The following ANO3 variants were observed in gnomAD, a reference collection of about 807,000 sequenced individuals.
The protein encoded by ANO3 is anoctamin 3, also known as anoctamin-3.
ANO3 carries 99 observed loss-of-function variants against 144.8 expected under a neutral mutation model. The ratio of observed to expected loss-of-function variants is 0.68; its 90% confidence interval spans 0.58 to 0.81. ANO3 has a LOEUF of 0.81. Among genes scored for constraint, ANO3 ranks in the 30% least tolerant of loss-of-function variants. The probability of loss-of-function intolerance (pLI) is 0.00; values close to 1 mark genes in which losing one functional copy is unlikely to be tolerated. For synonymous variants in ANO3, 414 were observed against 392.6 expected, an observed-to-expected ratio of 1.05 and a Z score of -0.64; for missense variants, 905 against 1,202.2, an observed-to-expected ratio of 0.75 and a Z score of 3.66.
chr11:26,364,936 A>C (rs890578126), intron 1 of ANO3, among the ~76,000 whole-genome samples: 1 of 152,196 alleles, frequency 6.6e-6, no homozygotes, highest in African/African-American at 2.4e-5. Flanking sequence ...AATTTATTCC[A>C]GAATTAACTC....
chr11:26,425,787 G>A (rs1857902043), intron 1 of ANO3, among the ~76,000 whole-genome samples: 1 of 152,086 alleles, frequency 6.6e-6, no homozygotes, highest in African/African-American at 2.4e-5. Context: ...TGTTCACTCT[G>A]TGTTTTATCC....
intron 1 of ANO3, among the ~76,000 whole-genome samples, chr11:26,220,797 G>A (rs1364560135): frequency 3.3e-5 from 5 of 152,264 alleles, no homozygotes; most frequent in Middle Eastern, 3.4e-3. Flanking sequence ...GCCTAATGGA[G>A]CATCCCATTC....
At chr11:26,626,280 A>G (rs1259491264) in intron 18 of ANO3, among the ~76,000 whole-genome samples, 1 of 152,164 alleles carries the variant, frequency 6.6e-6, no homozygotes, top group African/African-American at 2.4e-5. Flanking sequence ...GCAGACACTG[A>G]GATGGAGTTA....
At chr11:26,452,497 G>A (rs187271437) in intron 3 of ANO3, among the ~76,000 whole-genome samples, 6 of 152,234 alleles carry the variant, frequency 3.9e-5, no homozygotes, top group South Asian at 2.1e-4. Flanking sequence ...AAGATGAAAC[G>A]AATGAAATGA....
At chr11:26,329,933 C>T (rs1345977973), upstream of ANO3, among the ~76,000 whole-genome samples, 2 of 152,022 alleles carry the variant, frequency 1.3e-5, no homozygotes, top group South Asian at 2.1e-4. Flanking sequence ...CTGCCTCAGC[C>T]TCCTGAGTAG....
intron 14 of ANO3, chr11:26,563,395 C>CTCTCTCTCTGTGTGTG (rs371195680): frequency 1.9e-6 from 1 of 538,882 alleles, no homozygotes. Context: ...GTTTCTCTCT[C>CTCTCTCTCTGTGTGTG]TGTGTGTGTG....
rs913052962 is a variant in ANO3 at position 26,497,293 on chromosome 11, C to A, written c.433-10811C>A. On this transcript the variant is annotated intron_variant, in intron 4 of 26. Coordinates refer to ENST00000256737, the MANE Select transcript of ANO3 (RefSeq NM_031418.4). ...AAATATATATAGGTTGATTTCACAT[C>A]TTTGCTATTGTGAATAGTGCTCTTA... is the stretch of plus-strand genomic sequence containing the variant. Among the ~76,000 whole-genome samples, 31 of 151,774 alleles carry A rather than the reference C, an allele frequency of 2.0e-4. 2 individuals are homozygous for A. The highest frequency in any genetic ancestry group is 4.4e-5 in the Non-Finnish European group (3 of 67,912).
intron 1 of ANO3, among the ~76,000 whole-genome samples, chr11:26,238,793 A>T (rs1004951598): frequency 6.6e-6 from 1 of 152,060 alleles, no homozygotes; most frequent in Non-Finnish European, 1.5e-5. Flanking sequence ...TATTGCAAAC[A>T]TCATCTTACT....
intron 1 of ANO3, among the ~76,000 whole-genome samples, chr11:26,373,322 A>G (rs1856314799): frequency 6.6e-6 from 1 of 152,150 alleles, no homozygotes; most frequent in Non-Finnish European, 1.5e-5. Flanking sequence ...TCATAATAGC[A>G]AATGAGTTCT....
At chr11:26,566,035 A>C (rs1222477377) in intron 14 of ANO3, 2 of 925,726 alleles carry the variant, frequency 2.2e-6, no homozygotes, top group Middle Eastern at 3.5e-4. Flanking sequence ...AAAATTGCTT[A>C]TTTTGGATTA....
intron 14 of ANO3, among the ~76,000 whole-genome samples, chr11:26,582,886 G>GTA (rs1418919881): frequency 1.3e-5 from 2 of 152,148 alleles, no homozygotes; most frequent in Admixed American, 6.5e-5. Context: ...ATTAAAGAAA[G>GTA]TATATCAAAT....
chr11:26,233,948 A>G (rs11029409), intron 1 of ANO3, among the ~76,000 whole-genome samples: 48,746 of 151,856 alleles, frequency 0.32, 8,577 homozygotes, highest in Non-Finnish European at 0.38. Context: ...GTCAGTAGGT[A>G]GGGGGCAAGG....
intron 14 of ANO3, among the ~76,000 whole-genome samples, chr11:26,576,904 CAAT>C (rs1316914663): frequency 6.6e-6 from 1 of 152,074 alleles, no homozygotes; most frequent in Non-Finnish European, 1.5e-5. Flanking sequence ...TATTTGTCAA[CAAT>C]AATAACAAAA....
chr11:26,636,962 A>G (rs1327237418), intron 20 of ANO3, among the ~76,000 whole-genome samples: 1 of 152,202 alleles, frequency 6.6e-6, no homozygotes, highest in Non-Finnish European at 1.5e-5. Flanking sequence ...AAAATACACT[A>G]CAGCATCTAG....
chr11:26,588,416 T>C (rs1851350474), intron 14 of ANO3, among the ~76,000 whole-genome samples: 1 of 152,222 alleles, frequency 6.6e-6, no homozygotes, highest in Non-Finnish European at 1.5e-5. Context: ...ATAAAATACA[T>C]ATATCTCCAG....
intron 1 of ANO3, among the ~76,000 whole-genome samples, chr11:26,343,089 C>G (rs994446424): frequency 1.3e-5 from 2 of 152,126 alleles, no homozygotes; most frequent in Non-Finnish European, 2.9e-5. Flanking sequence ...ACTTACTCAT[C>G]TTACATAACT....
In ANO3 at chr11:26,463,625, T is replaced by C. The variant is rs147724654; in HGVS notation, c.432+477T>C. Among the ~76,000 whole-genome samples the C allele has an allele frequency of 1.5e-3, 229 of 151,976 alleles. 1 individual carries two copies. Among genetic ancestry groups the C allele is most frequent in the African/African-American group, 5.2e-3 (218 of 41,536 alleles). ...ACAAAATGAGAAAACCATGTAAGTG[T>C]CTGGTGCATAGCAAAAGATTGAGAA... is the stretch of plus-strand genomic sequence containing the variant. On this transcript the variant is annotated intron_variant, in intron 4 of 26. Transcript: ENST00000256737.
chr11:26,338,695 C>A (rs899709515), intron 1 of ANO3, among the ~76,000 whole-genome samples: 4 of 152,042 alleles, frequency 2.6e-5, no homozygotes, highest in African/African-American at 9.7e-5. Flanking sequence ...GACCATGAAC[C>A]CCCCCACTGG....
intron 4 of ANO3, among the ~76,000 whole-genome samples, chr11:26,483,427 T>C (rs866267783): frequency 6.6e-6 from 1 of 152,282 alleles, no homozygotes. Flanking sequence ...GGATGGACTT[T>C]CCCCTTGCTG....
Sources: allele counts gnomAD v4.1 joint callset (sites outside exome capture counted in the v4.1 genomes callset), GRCh38; gene constraint gnomAD v4.1.1; transcripts MANE v1.5; gene names NCBI Gene and HGNC (gene_info 2026-07-23, HGNC 2026-07-21).